PTPRM: variants seen among roughly 807,000 people sequenced by gnomAD.
PTPRM encodes protein tyrosine phosphatase receptor type M, also known as receptor-type tyrosine-protein phosphatase mu.
In PTPRM, 47 loss-of-function variants were observed where a neutral mutation model predicts 186.7. The observed-to-expected ratio is 0.25, with a 90% CI of 0.20 to 0.32. PTPRM has a LOEUF of 0.32. Among genes scored for constraint, PTPRM ranks in the 10% least tolerant of loss-of-function variants. PTPRM has a pLI of 1.00. For synonymous variants in PTPRM, 668 were observed against 674.9 expected (o/e 0.99, Z 0.16); for missense variants, 1,494 against 1,865.0 (o/e 0.80, Z 3.66).
In PTPRM at chr18:8,368,980, AAG is replaced by A. The variant is rs368146486; in HGVS notation, c.3055-1907_3055-1906del. 3.4e-3 allele frequency among the ~76,000 whole-genome samples: 524 copies of A among 152,254 alleles called. 2 individuals carry two copies. The highest frequency in any genetic ancestry group is 0.012 in the African/African-American group (494 of 41,542). The stretch of plus-strand genomic sequence containing the variant: ...AAGCATGTTTCATCAGGGCAGCAAA[AAG>A]AGCTCACATCTATGGAGGAGTCTTT... On this transcript the variant is annotated intron_variant, in intron 23 of 32. Coordinates refer to ENST00000580170, the MANE Select transcript of PTPRM (RefSeq NM_001105244.2).
intron 1 of PTPRM, among the ~76,000 whole-genome samples, chr18:7,621,171 C>T (rs2037928616): frequency 6.6e-6 from 1 of 152,122 alleles, no homozygotes; most frequent in Non-Finnish European, 1.5e-5. Context: ...TCATATGAGG[C>T]AGTAGAGGCA....
intron 20 of PTPRM, among the ~76,000 whole-genome samples, chr18:8,300,484 A>G (rs1416713477): frequency 6.6e-6 from 1 of 150,800 alleles, no homozygotes; most frequent in African/African-American, 2.5e-5. Flanking sequence ...TCTTGAGTTT[A>G]GCAGATTCAT....
intron 1 of PTPRM, among the ~76,000 whole-genome samples, chr18:7,688,053 G>T (rs2039647274): frequency 6.6e-6 from 1 of 152,050 alleles, no homozygotes; most frequent in South Asian, 2.1e-4. Flanking sequence ...TGGATTACAG[G>T]CATGAGCCAC....
intron 21 of PTPRM, among the ~76,000 whole-genome samples, chr18:8,316,350 C>T (rs2095308841): frequency 1.3e-5 from 2 of 152,154 alleles, no homozygotes; most frequent in South Asian, 4.2e-4. Context: ...TCATTGTGAT[C>T]AGATTAGGCA....
chr18:7,788,613 A>G (rs2043197447), intron 2 of PTPRM, among the ~76,000 whole-genome samples: 2 of 152,324 alleles, frequency 1.3e-5, no homozygotes, highest in East Asian at 1.9e-4. Context: ...TGACAAAATG[A>G]TACAAAGGTG....
At chr18:8,129,005 C>T (rs375939096) in intron 13 of PTPRM, among the ~76,000 whole-genome samples, 7 of 152,138 alleles carry the variant, frequency 4.6e-5, no homozygotes, top group Non-Finnish European at 8.8e-5. Flanking sequence ...TTTTAGGAAA[C>T]CTAACTTTTA....
intron 22 of PTPRM, among the ~76,000 whole-genome samples, chr18:8,336,432 G>C (rs2148202822): frequency 6.6e-6 from 1 of 152,120 alleles, no homozygotes; most frequent in South Asian, 2.1e-4. Context: ...AGTGCCTGTG[G>C]TCCAAGCTAC....
At chr18:7,861,689 C>A (rs1457521757) in intron 2 of PTPRM, among the ~76,000 whole-genome samples, 2 of 151,894 alleles carry the variant, frequency 1.3e-5, no homozygotes, top group East Asian at 1.9e-4. Flanking sequence ...GGTCTTCCAC[C>A]TTTTACTCAA....
chr18:7,881,157 G>A (rs1268067902), intron 2 of PTPRM, among the ~76,000 whole-genome samples: 5 of 152,196 alleles, frequency 3.3e-5, no homozygotes, highest in South Asian at 4.2e-4. Context: ...ATATATTGGC[G>A]TGGCACAGTG....
At chr18:8,260,422 A>C (rs1306715275) in intron 19 of PTPRM, among the ~76,000 whole-genome samples, 1 of 151,858 alleles carries the variant, frequency 6.6e-6, no homozygotes, top group Non-Finnish European at 1.5e-5. Context: ...CCTCAGCCCC[A>C]CAAAGTGCTG....
chr18:8,289,567 T>TATATATATACATATATATATACAC (rs1568675226), intron 19 of PTPRM, among the ~76,000 whole-genome samples: 1 of 123,690 alleles, frequency 8.1e-6, no homozygotes, highest in East Asian at 2.0e-4. Context: ...TATACACATA[T>TATATATATACATATATATATACAC]ATATATATAC....
At position 8,134,980 on chromosome 18, in the gene PTPRM, A is replaced by G. The variant is rs540934727; in HGVS notation, c.2168-8667A>G. ...TTATCTTGATGGCTTCTGTTGCTTC[A>G]GTTTCCTCATTTGTAAACTGGTATT... is the stretch of plus-strand genomic sequence containing the variant. On this transcript the variant is annotated intron_variant, in intron 13 of 32. Transcript: ENST00000580170. Among the ~76,000 whole-genome samples, 10 of 152,296 alleles carry G rather than the reference A, an allele frequency of 6.6e-5. No homozygotes were observed. In the South Asian group the frequency reaches 2.1e-3, roughly 32 times the overall value.
At chr18:8,219,383 C>T (rs1001742370) in intron 14 of PTPRM, among the ~76,000 whole-genome samples, 2 of 151,886 alleles carry the variant, frequency 1.3e-5, no homozygotes, top group Non-Finnish European at 2.9e-5. Flanking sequence ...AGGAGAATGG[C>T]GTGAACCCAG....
chr18:8,354,281 A>C (rs2148344841), intron 23 of PTPRM, among the ~76,000 whole-genome samples: 1 of 151,424 alleles, frequency 6.6e-6, no homozygotes, highest in East Asian at 1.9e-4. Context: ...GAGAAAGTGG[A>C]AAGAGAAAAG....
At chr18:7,724,700 T>C (rs2040511144) in intron 1 of PTPRM, among the ~76,000 whole-genome samples, 1 of 152,244 alleles carries the variant, frequency 6.6e-6, no homozygotes, top group South Asian at 2.1e-4. Flanking sequence ...AGGAAGGCTG[T>C]AGCAGAGCGA....
intron 31 of PTPRM, among the ~76,000 whole-genome samples, chr18:8,392,120 A>C (rs1486091234): frequency 2.6e-5 from 4 of 152,342 alleles, no homozygotes; most frequent in East Asian, 1.9e-4. Context: ...TTTGCAAGAC[A>C]TACCAACCAA....
intron 2 of PTPRM, among the ~76,000 whole-genome samples, chr18:7,775,196 G>A (rs2042521655): frequency 1.3e-5 from 2 of 152,198 alleles, no homozygotes; most frequent in South Asian, 2.1e-4. Context: ...TGCTCACTGT[G>A]TTCCTGCCCT....
At chr18:7,901,021 G>A (rs550987054) in intron 3 of PTPRM, among the ~76,000 whole-genome samples, 1 of 151,896 alleles carries the variant, frequency 6.6e-6, no homozygotes. Flanking sequence ...TTTTCCAATG[G>A]TACTGTTGGT....
intron 21 of PTPRM, among the ~76,000 whole-genome samples, chr18:8,317,808 G>A (rs1345839625): frequency 2.6e-5 from 4 of 152,186 alleles, no homozygotes; most frequent in Admixed American, 2.0e-4. Context: ...GACTCTCTGG[G>A]TGACTTCACC....
Sources: gnomAD v4.1 joint callset for allele counts (sites outside exome capture counted in the v4.1 genomes callset) on GRCh38, gnomAD v4.1.1 for gene constraint, MANE v1.5 for transcripts, NCBI Gene and HGNC (gene_info 2026-07-23, HGNC 2026-07-21) for gene names.